DCC: variants seen among roughly 807,000 people sequenced by gnomAD.
DCC encodes the protein DCC netrin 1 receptor, also known as netrin receptor DCC.
A neutral mutation model predicts 172.5 loss-of-function variants in DCC; 58 were observed. That is an observed-to-expected ratio of 0.34 (90% CI 0.27 to 0.42). The LOEUF is 0.42. Ranked by LOEUF, DCC falls within the 10% of genes least tolerant of loss-of-function variation. DCC has a pLI of 1.00. For synonymous variants in DCC, 709 were observed against 644.5 expected (o/e 1.10, Z -1.52); for missense variants, 1,740 against 1,791.0 (o/e 0.97, Z 0.51).
chr18:53,526,424 C>G (rs895929512), intron 27 of DCC, among the ~76,000 whole-genome samples, 193 bp from the exon 28 acceptor site: 19 of 152,110 alleles, frequency 1.2e-4, no homozygotes, highest in Non-Finnish European at 2.8e-4. Flanking sequence ...TCTGGAGAAG[C>G]CTAATCAGAA....
intron 19 of DCC, among the ~76,000 whole-genome samples, chr18:53,409,916 C>G (rs1909882382): frequency 6.6e-6 from 1 of 152,140 alleles, no homozygotes; most frequent in African/African-American, 2.4e-5. Flanking sequence ...GTTTGGGTCA[C>G]CTGCAGCTTC....
chr18:52,561,924 T>C (rs1226712605), intron 1 of DCC, among the ~76,000 whole-genome samples: 2 of 152,194 alleles, frequency 1.3e-5, no homozygotes, highest in East Asian at 3.9e-4. Flanking sequence ...GCTTTTCTTT[T>C]AGTAGCCCAT....
At chr18:52,491,447 T>C (rs776128254) in intron 1 of DCC, among the ~76,000 whole-genome samples, 18 of 152,106 alleles carry the variant, frequency 1.2e-4, no homozygotes, top group African/African-American at 1.7e-4. Context: ...TCTTAGGAGA[T>C]AGGGAGAAGA....
intron 2 of DCC, among the ~76,000 whole-genome samples, chr18:52,893,421 T>C (rs1466408696): frequency 6.6e-6 from 1 of 152,158 alleles, no homozygotes; most frequent in Non-Finnish European, 1.5e-5. Context: ...CTTGGGTTAA[T>C]AGACGGTCAG....
chr18:52,393,844 C>T (rs1986118222), intron 1 of DCC, among the ~76,000 whole-genome samples: 1 of 152,068 alleles, frequency 6.6e-6, no homozygotes, highest in Admixed American at 6.6e-5. Context: ...TTCTAATTTC[C>T]AGTCAGGATT....
chr18:53,499,635 G>A (rs1034912367), intron 27 of DCC, 125 bp downstream of exon 27: 1 of 845,120 alleles, frequency 1.2e-6, no homozygotes, highest in African/African-American at 1.7e-5. Flanking sequence ...CATGCCCAGT[G>A]TGCTCATTTT....
intron 1 of DCC, among the ~76,000 whole-genome samples, chr18:52,400,184 G>T (rs1200716949): frequency 6.6e-6 from 1 of 151,910 alleles, no homozygotes; most frequent in Non-Finnish European, 1.5e-5. Context: ...AGCTGAATGT[G>T]TACCCAGTAT....
At chr18:52,889,241 A>G (rs1598901707) in intron 2 of DCC, among the ~76,000 whole-genome samples, 1 of 152,082 alleles carries the variant, frequency 6.6e-6, no homozygotes, top group African/African-American at 2.4e-5. Flanking sequence ...TTTGATCAGT[A>G]AGGCCCTTTC....
At chr18:53,480,682 T>A (rs550961984) in intron 25 of DCC, among the ~76,000 whole-genome samples, 11 of 152,248 alleles carry the variant, frequency 7.2e-5, no homozygotes, top group Non-Finnish European at 1.5e-4. Context: ...CTGTTGCACT[T>A]CTCTGTGGAT....
At chr18:53,191,491 C>A (rs1011895700) in intron 9 of DCC, among the ~76,000 whole-genome samples, 2 of 151,886 alleles carry the variant, frequency 1.3e-5, no homozygotes, top group Non-Finnish European at 2.9e-5. Flanking sequence ...CAACTAATTT[C>A]ACTTATTTTT....
chr18:52,965,996 G>C (rs747272590), intron 5 of DCC, among the ~76,000 whole-genome samples: 6 of 152,054 alleles, frequency 3.9e-5, no homozygotes, highest in Admixed American at 1.3e-4. Context: ...GGCTCTGTGG[G>C]GACCCATAAA....
chr18:53,468,363 T>TTTATTTTATTTA lies in DCC; in HGVS notation c.3736+355_3736+356insATTTTATTTATT, dbSNP rs1555675962. The stretch of plus-strand genomic sequence containing the variant: ...TTATTTTTATTTATTTATTTATTTA[T>TTTATTTTATTTA]TTTATTTATTTATTTATTTTATTTA... On this transcript the variant is annotated intron_variant, in intron 25 of 28. Coordinates refer to ENST00000442544, the MANE Select transcript of DCC (RefSeq NM_005215.4). 8.6e-3 allele frequency among the ~76,000 whole-genome samples: 469 copies of TTTATTTTATTTA among 54,706 alleles called. 4 individuals are homozygous for TTTATTTTATTTA. Among genetic ancestry groups the TTTATTTTATTTA allele is most frequent in the South Asian group, 0.062 (68 of 1,096 alleles). 35.9% of individuals were successfully genotyped at this position (54,706 alleles called of 152,430 possible).
chr18:52,559,633 A>T (rs1189970127), intron 1 of DCC, among the ~76,000 whole-genome samples: 1 of 152,034 alleles, frequency 6.6e-6, no homozygotes, highest in African/African-American at 2.4e-5. Flanking sequence ...CAGCAAACCT[A>T]TGTATAATAG....
chr18:52,792,809 G>T (rs372618417), intron 2 of DCC, among the ~76,000 whole-genome samples: 73 of 92,420 alleles, frequency 7.9e-4, no homozygotes, highest in African/African-American at 2.9e-3. Flanking sequence ...CATTCCAGTT[G>T]ATTCAATTCC....
At chr18:53,516,787 G>C (rs1371705745) in intron 27 of DCC, among the ~76,000 whole-genome samples, 2 of 144,364 alleles carry the variant, frequency 1.4e-5, no homozygotes, top group African/African-American at 2.8e-5. Context: ...TCATTAAAAA[G>C]TCAGGAAACA....
At chr18:52,920,157 G>C (rs566222687) in intron 3 of DCC, among the ~76,000 whole-genome samples, 2 of 151,892 alleles carry the variant, frequency 1.3e-5, no homozygotes, top group Non-Finnish European at 2.9e-5. Flanking sequence ...AGCAAATTTG[G>C]CAATGCATTT....
intron 2 of DCC, among the ~76,000 whole-genome samples, chr18:52,775,102 C>T (rs2037406263): frequency 6.6e-6 from 1 of 152,082 alleles, no homozygotes; most frequent in South Asian, 2.1e-4. Context: ...GACAGTTTCC[C>T]TTCGTCCACG....
At chr18:52,399,095 G>A (rs1948614999) in intron 1 of DCC, among the ~76,000 whole-genome samples, 1 of 151,890 alleles carries the variant, frequency 6.6e-6, no homozygotes, top group African/African-American at 2.4e-5. Flanking sequence ...AATCCATATT[G>A]ATAAAAAATT....
chr18:52,935,650 C>T (rs1044162793), intron 5 of DCC, among the ~76,000 whole-genome samples: 1 of 151,906 alleles, frequency 6.6e-6, no homozygotes, highest in African/African-American at 2.4e-5. Context: ...CAAATTTTAC[C>T]TATCCATTTG....
Sources: allele counts gnomAD v4.1 joint callset (sites outside exome capture counted in the v4.1 genomes callset), GRCh38; gene constraint gnomAD v4.1.1; transcripts MANE v1.5; gene names NCBI Gene and HGNC (gene_info 2026-07-23, HGNC 2026-07-21).